The following MYO16 variants were observed in gnomAD, a reference collection of about 807,000 sequenced individuals.
MYO16 encodes myosin XVI, also known as unconventional myosin-XVI.
Under a neutral mutation model 205.3 loss-of-function variants are expected in MYO16, and 94 were observed. The ratio of observed to expected loss-of-function variants is 0.46; its 90% CI spans 0.39 to 0.54. The LOEUF (loss-of-function observed/expected upper bound fraction) is 0.54, where lower values mean the gene tolerates loss of function less well. MYO16 is among the 20% of genes least tolerant of loss of function. The probability of loss-of-function intolerance (pLI) is 0.00; values close to 1 mark genes in which losing one functional copy is unlikely to be tolerated. For synonymous variants in MYO16, 988 were observed against 954.0 expected, an observed-to-expected ratio of 1.04 and a Z score of -0.66; for missense variants, 2,315 against 2,387.5, an observed-to-expected ratio of 0.97 and a Z score of 0.63.
intron 6 of MYO16, among the ~76,000 whole-genome samples, chr13:108,794,198 G>A (rs1223212194): frequency 8.3e-6 from 1 of 120,454 alleles, no homozygotes; most frequent in East Asian, 2.2e-4. Context: ...GGAGGAGGGT[G>A]AGAATGACAA....
intron 1 of MYO16, among the ~76,000 whole-genome samples, chr13:108,616,665 C>T (rs1331805249): frequency 6.6e-6 from 1 of 152,106 alleles, no homozygotes; most frequent in Admixed American, 6.5e-5. Context: ...TTCCTTACTG[C>T]TCTAAGTGCA....
intron 22 of MYO16, among the ~76,000 whole-genome samples, chr13:109,018,581 G>A (rs147102396): frequency 3.0e-4 from 45 of 152,250 alleles, no homozygotes; most frequent in Admixed American, 9.8e-4. Context: ...GTTCCATCTC[G>A]GACTAGCAGT....
chr13:108,951,383 C>T (rs1200608249), intron 16 of MYO16, among the ~76,000 whole-genome samples: 1 of 152,078 alleles, frequency 6.6e-6, no homozygotes, highest in South Asian at 2.1e-4. Flanking sequence ...ACCTAGAGGC[C>T]GTGGAGAGCT....
At chr13:108,794,617 A>G (rs931945568) in intron 6 of MYO16, among the ~76,000 whole-genome samples, 2 of 152,238 alleles carry the variant, frequency 1.3e-5, no homozygotes, top group Admixed American at 1.3e-4. Flanking sequence ...TAAATTATTA[A>G]AAGATCAACA....
At chr13:109,181,828 T>TTA (rs1566552201) in intron 34 of MYO16, among the ~76,000 whole-genome samples, 43 of 145,924 alleles carry the variant, frequency 2.9e-4, no homozygotes, top group African/African-American at 8.2e-4. Flanking sequence ...TTTATTTTAT[T>TTA]TTTTTTTTTG....
At chr13:108,773,547 G>A (rs912037209) in intron 4 of MYO16, among the ~76,000 whole-genome samples, 15 of 152,100 alleles carry the variant, frequency 9.9e-5, no homozygotes, top group Admixed American at 5.2e-4. Flanking sequence ...TTCCCTCTGC[G>A]TGTGTGTCCA....
chr13:109,057,530 G>A (rs530257590), intron 27 of MYO16, among the ~76,000 whole-genome samples: 1 of 152,148 alleles, frequency 6.6e-6, no homozygotes, highest in Admixed American at 6.5e-5. Context: ...AGTCATAGTA[G>A]CTATCACTGA....
chr13:108,529,868 G>C, the MYO16 span, among the ~76,000 whole-genome samples: 1 of 152,124 alleles, frequency 6.6e-6, no homozygotes, highest in Non-Finnish European at 1.5e-5. Context: ...AACCCACTTG[G>C]GTGCCACTGC....
chr13:108,509,966 G>C, the MYO16 span, among the ~76,000 whole-genome samples: 1 of 152,282 alleles, frequency 6.6e-6, no homozygotes, highest in Admixed American at 6.5e-5. Context: ...AGATACAGCA[G>C]AAGTTGAGTA....
chr13:108,833,486 C>G (rs961791337), intron 9 of MYO16, among the ~76,000 whole-genome samples: 4 of 152,100 alleles, frequency 2.6e-5, no homozygotes, highest in African/African-American at 4.8e-5. Context: ...TTATTTTAAG[C>G]ACCAAAATAA....
intron 31 of MYO16, among the ~76,000 whole-genome samples, chr13:109,136,907 A>T (rs1876802013): frequency 6.6e-6 from 1 of 152,216 alleles, no homozygotes; most frequent in African/African-American, 2.4e-5. Flanking sequence ...TTATGTAACA[A>T]ACCTCTCCAA....
chr13:109,088,888 C>A (rs1251369469), intron 27 of MYO16, among the ~76,000 whole-genome samples: 1 of 152,208 alleles, frequency 6.6e-6, no homozygotes, highest in Non-Finnish European at 1.5e-5. Context: ...GGAGGGCGGG[C>A]AGCCCCTCAC....
At chr13:109,017,756 A>G (rs1190171381) in intron 22 of MYO16, among the ~76,000 whole-genome samples, 1 of 152,172 alleles carries the variant, frequency 6.6e-6, no homozygotes, top group Non-Finnish European at 1.5e-5. Flanking sequence ...TGATTGAATC[A>G]GCTGTTGAAG....
chr13:108,725,039 C>G (rs1884293006), intron 3 of MYO16, among the ~76,000 whole-genome samples: 1 of 151,912 alleles, frequency 6.6e-6, no homozygotes, highest in East Asian at 1.9e-4. Flanking sequence ...ATTTATGTTG[C>G]TGCTTTGGAT....
chr13:108,500,379 G>A, the MYO16 span, among the ~76,000 whole-genome samples: 1 of 151,416 alleles, frequency 6.6e-6, no homozygotes, highest in African/African-American at 2.4e-5. Flanking sequence ...ACAGGCGCCT[G>A]CCACCACGCC....
At chr13:108,574,121 G>A in the MYO16 span, among the ~76,000 whole-genome samples, 225 of 152,302 alleles carry the variant, frequency 1.5e-3, 1 homozygote, top group African/African-American at 5.1e-3. Flanking sequence ...CTAAAGTGCT[G>A]CGATTACAGG....
rs1397378796 is a variant in MYO16 at position 108,881,728 on chromosome 13, A to G, written c.1426-1331A>G. ...AAGATCAAATGAATGAAATGAAGTG[A>G]GAAGAGAAGTTTAGAGAAAAAAGAG... On this transcript the variant is annotated intron_variant, in intron 12 of 34. Transcript: ENST00000457511. Among the ~76,000 whole-genome samples the G allele has an allele frequency of 2.0e-5, 3 of 151,346 alleles. No individual in the cohort carries two copies. In the Admixed American group the frequency reaches 2.0e-4, roughly 10 times the overall value.
chr13:108,983,240 TTTCTCTCTCCTGTCTTCCTCC>T (rs1884509426), intron 20 of MYO16, among the ~76,000 whole-genome samples: 1 of 152,202 alleles, frequency 6.6e-6, no homozygotes, highest in Admixed American at 6.5e-5. Context: ...CATTCTCCTC[TTTCTCTCTCCTGTCTTCCTCC>T]TTCTCTCTTA....
chr13:108,998,267 G>C (rs888880137), intron 21 of MYO16, among the ~76,000 whole-genome samples: 2 of 152,208 alleles, frequency 1.3e-5, no homozygotes, highest in Admixed American at 6.5e-5. Flanking sequence ...GTAAGTGCAT[G>C]GTAGCAGTAC....
Sources: allele counts gnomAD v4.1 joint callset (sites outside exome capture counted in the v4.1 genomes callset), GRCh38; gene constraint gnomAD v4.1.1; transcripts MANE v1.5; gene names NCBI Gene and HGNC (gene_info 2026-07-23, HGNC 2026-07-21).